Variants in CELSR1 observed in about 807,000 individuals in gnomAD.
The protein encoded by CELSR1 is adhesion G protein-coupled receptor C1.
A neutral mutation model predicts 249.1 loss-of-function variants in CELSR1; 110 were observed. That is an observed-to-expected ratio of 0.44 (90% CI 0.38 to 0.52). The LOEUF (loss-of-function observed/expected upper bound fraction) is 0.52. Ranked by LOEUF, CELSR1 falls within the 20% of genes least tolerant of loss-of-function variation. The pLI is 0.00. For missense variants in CELSR1, 4,109 were observed against 4,296.4 expected, an observed-to-expected ratio of 0.96 and a Z score of 1.22; for synonymous variants, 2,113 against 1,900.0, an observed-to-expected ratio of 1.11 and a Z score of -2.92.
chr22:46,442,819 C>T lies in CELSR1; in HGVS notation c.4184-3408G>A, dbSNP rs190245723. Among the ~76,000 whole-genome samples the T allele has an allele frequency of 3.9e-5, 6 of 152,250 alleles. No individual in the cohort carries two copies. In the East Asian group the frequency reaches 1.2e-3, roughly 29 times the overall value. On this transcript the variant is annotated intron_variant, in intron 2 of 34. Coordinates refer to ENST00000674500, the MANE Select transcript of CELSR1 (RefSeq NM_001378328.1). The stretch of plus-strand genomic sequence containing the variant: ...TAAGAATGTGTAACTGGGCCTGGCG[C>T]GGTGGCTCACGCCTGTAATCCCAGC...
chr22:46,386,547 G>A lies in CELSR1; in HGVS notation c.6594C>T (p.Ala2198=). 1 of 1,598,886 alleles carries A rather than the reference G, an allele frequency of 6.3e-7. No individual in the cohort carries two copies. Among genetic ancestry groups the A allele is most frequent in the Non-Finnish European group, 8.5e-7 (1 of 1,174,890 alleles). The stretch of plus-strand genomic sequence containing the variant: ...GGATCTGCTCCCACGCCGCCCTGGT[G>A]GCTGGGGCCAGGAGGGCGCTGCCCG... The part of the protein sequence containing the change: ...IHSGSALLAP[A]TRAAWEQIQR... Residue 2198 remains alanine, a synonymous_variant, in exon 19 of 35, where the codon GCC becomes GCT. Coordinates refer to ENST00000674500, the MANE Select transcript of CELSR1 (RefSeq NM_001378328.1).
At chr22:46,516,714 T>C (rs1026894669) in intron 1 of CELSR1, among the ~76,000 whole-genome samples, 1 of 152,166 alleles carries the variant, frequency 6.6e-6, no homozygotes. Context: ...GCTCATGTTA[T>C]GTGGCTCCTC....
intron 1 of CELSR1, among the ~76,000 whole-genome samples, chr22:46,528,496 C>T (rs1465641075): frequency 2.6e-5 from 4 of 152,222 alleles, no homozygotes; most frequent in Non-Finnish European, 5.9e-5. Context: ...TCCCAAGCTC[C>T]GCATTCTGCA....
intron 26 of CELSR1, 144 bp downstream of exon 26, chr22:46,369,548 C>A: frequency 1.4e-6 from 1 of 699,396 alleles, no homozygotes; most frequent in Non-Finnish European, 2.4e-6. Flanking sequence ...AGGGCCCTGG[C>A]GGCTTTGCTG....
At position 46,447,393 on chromosome 22, in the gene CELSR1, T is replaced by C. The variant is rs1181939988; in HGVS notation, c.4184-7982A>G. ...ATTCTCATTCAAAATAAATTTGATG[T>C]TCTCCTTACACCCTAGGATTCTGCT... On this transcript the variant is annotated intron_variant, in intron 2 of 34. Transcript: ENST00000674500. This position sits in a 1 kb window ranked among gnomAD's most constrained non-coding sequence, Gnocchi z 4.7. 6.6e-6 allele frequency among the ~76,000 whole-genome samples: 1 copy of C among 152,188 alleles called. No homozygotes were observed. Among genetic ancestry groups the C allele is most frequent in the African/African-American group, 2.4e-5 (1 of 41,446 alleles).
chr22:46,481,232 G>C, intron 1 of CELSR1: 1 of 327,796 alleles, frequency 3.1e-6, no homozygotes, highest in Non-Finnish European at 5.6e-6. Context: ...GAAAGAACAA[G>C]ACCATGTCTC....
rs1336036575 is a variant in CELSR1 at position 46,518,941 on chromosome 22, G to A, written c.3544+14686C>T. Among the ~76,000 whole-genome samples the A allele has an allele frequency of 6.6e-6, 1 of 152,050 alleles. No homozygotes were observed. The highest frequency in any genetic ancestry group is 1.5e-5 in the Non-Finnish European group (1 of 68,012). On this transcript the variant is annotated intron_variant, in intron 1 of 34. Coordinates refer to ENST00000674500, the MANE Select transcript of CELSR1 (RefSeq NM_001378328.1). The surrounding 1 kb of genome is among the most constrained non-coding windows in gnomAD (Gnocchi z 5.2). ...CCAGCTACTCGGGAGGCAGAGGCAG[G>A]AGAATCGCTTAAACCCAGGAGGCAA...
intron 1 of CELSR1, among the ~76,000 whole-genome samples, chr22:46,508,812 C>A (rs1343342614): frequency 6.6e-6 from 1 of 152,360 alleles, no homozygotes; most frequent in East Asian, 1.9e-4. Flanking sequence ...AGAATGGTCT[C>A]TGAGACCCTG....
chr22:46,463,397 C>T (rs535337246), intron 2 of CELSR1, among the ~76,000 whole-genome samples: 1 of 152,162 alleles, frequency 6.6e-6, no homozygotes, highest in South Asian at 2.1e-4. Flanking sequence ...GTGCCTGCAA[C>T]CCCAGCTACT....
At position 46,534,326 on chromosome 22, in the gene CELSR1, C is replaced by T. The variant is rs1333835834; in HGVS notation, c.2845G>A (p.Val949Met). Residue 949 changes from valine (V) to methionine (M), a missense_variant, in exon 1 of 35, where the codon GTG becomes ATG. Val to Met is a conservative substitution (Grantham distance 21). Transcript: ENST00000674500. The surrounding 1 kb of genome is among the most constrained non-coding windows in gnomAD (Gnocchi z 9.7). ...TCCAGCCGGCGCTGGGTGCGAATCA[C>T]ACCGGACGTGGGCTCGATGTAGAAG... ...GDFYIEPTSGVIRTQRRLDRE... is the reference protein window; with the variant it reads ...GDFYIEPTSGMIRTQRRLDRE... The T allele has an allele frequency of 6.2e-7, 1 of 1,613,018 alleles. No homozygotes were observed. Among genetic ancestry groups the T allele is most frequent in the Non-Finnish European group, 8.5e-7 (1 of 1,180,052 alleles).
intron 5 of CELSR1, among the ~76,000 whole-genome samples, chr22:46,422,365 C>T (rs1248945765): frequency 6.6e-6 from 1 of 151,990 alleles, no homozygotes; most frequent in Non-Finnish European, 1.5e-5. Context: ...GCCTCGGCCT[C>T]CCAAAGTGCT....
Position 46,409,012 on chromosome 22 carries a change from G to C in CELSR1, c.5210C>G (p.Thr1737Ser), listed in dbSNP as rs942346486. ...VLMEATSGGPTSFRLQILNNY... is the reference protein window; with the variant it reads ...VLMEATSGGPSSFRLQILNNY... ...CCCAGTCACCTGGAGGCGAAAGCTG[G>C]TGGGCCCACCACTGGTGGCCTCCAT... is the stretch of plus-strand genomic sequence containing the variant. Residue 1737 changes from threonine (T) to serine (S), a missense_variant, in exon 9 of 35, where the codon ACC becomes AGC. This residue lies in a region of CELSR1 where 1,805 missense variants were observed against 1,831.6 expected (regional missense o/e 0.99). Transcript: ENST00000674500. The surrounding 1 kb of genome is among the most constrained non-coding windows in gnomAD (Gnocchi z 9.8). 1 of 1,609,252 alleles carries C rather than the reference G, an allele frequency of 6.2e-7. No individual in the cohort carries two copies. The highest frequency in any genetic ancestry group is 8.5e-7 in the Non-Finnish European group (1 of 1,178,340).
chr22:46,433,510 A>G lies in CELSR1; in HGVS notation c.4523-29T>C. The G allele has an allele frequency of 6.3e-7, 1 of 1,595,724 alleles. No individual in the cohort carries two copies. Among genetic ancestry groups the G allele is most frequent in the Non-Finnish European group, 8.6e-7 (1 of 1,165,422 alleles). On this transcript the variant is annotated intron_variant, in intron 4 of 34. Coordinates refer to ENST00000674500, the MANE Select transcript of CELSR1 (RefSeq NM_001378328.1). The surrounding 1 kb of genome is among the most constrained non-coding windows in gnomAD (Gnocchi z 5.7). The stretch of plus-strand genomic sequence containing the variant: ...CATGGTGGGAGGGAGACCCAGAGAG[A>G]AAACAGGGGTTGGCGGGGCCTACTG...
chr22:46,529,238 C>A (rs2080768609), intron 1 of CELSR1, among the ~76,000 whole-genome samples: 1 of 151,568 alleles, frequency 6.6e-6, no homozygotes, highest in South Asian at 2.1e-4. Flanking sequence ...TGCACTCCAG[C>A]CTGGGCAGCA....
chr22:46,487,057 C>T (rs1269156101), intron 1 of CELSR1, among the ~76,000 whole-genome samples: 1 of 150,666 alleles, frequency 6.6e-6, no homozygotes, highest in Non-Finnish European at 1.5e-5. Context: ...CTCCCACTCC[C>T]ACTCCCACTT....
intron 2 of CELSR1, among the ~76,000 whole-genome samples, chr22:46,462,029 G>A (rs2080034537): frequency 6.6e-6 from 1 of 152,254 alleles, no homozygotes; most frequent in Non-Finnish European, 1.5e-5. Flanking sequence ...GTTCAGGCCT[G>A]CTCATACCTG....
chr22:46,369,426 C>T (rs906776502), intron 26 of CELSR1, among the ~76,000 whole-genome samples, 168 bp from the exon 27 acceptor site: 5 of 152,344 alleles, frequency 3.3e-5, no homozygotes, highest in Admixed American at 6.5e-5. Context: ...TGCCCCACAG[C>T]GCCCACCACA....
chr22:46,439,614 T>C (rs1190948415), intron 2 of CELSR1, among the ~76,000 whole-genome samples: 1 of 151,974 alleles, frequency 6.6e-6, no homozygotes, highest in Non-Finnish European at 1.5e-5. Context: ...CAGAGTCGGC[T>C]GCACCCAGCT....
chr22:46,487,946 G>A (rs1367840443), intron 1 of CELSR1, among the ~76,000 whole-genome samples: 1 of 129,710 alleles, frequency 7.7e-6, no homozygotes, highest in African/African-American at 2.9e-5. Context: ...GGGGTGTTCA[G>A]CTAATGGGGG....
Sources: gnomAD v4.1 joint callset for allele counts (sites outside exome capture counted in the v4.1 genomes callset) on GRCh38, gnomAD v4.1.1 for gene constraint, gnomAD v4.1.1 regional missense constraint, Gnocchi (gnomAD v3.1) non-coding constraint, MANE v1.5 for transcripts, NCBI Gene and HGNC (gene_info 2026-07-23, HGNC 2026-07-21) for gene names.